Variants in SYNRG observed in about 807,000 individuals in gnomAD.
SYNRG encodes AP1 gamma subunit binding protein 1.
In SYNRG, 37 loss-of-function variants were observed where a neutral mutation model predicts 130.9. The observed-to-expected ratio is 0.28, with a 90% confidence interval of 0.22 to 0.37. The LOEUF (loss-of-function observed/expected upper bound fraction) is 0.37. Among genes scored for constraint, SYNRG ranks in the 10% least tolerant of loss-of-function variants. The pLI is 1.00. For missense variants in SYNRG, 1,338 were observed against 1,588.9 expected (o/e 0.84, Z 2.68); for synonymous variants, 539 against 568.1 (o/e 0.95, Z 0.73).
chr17:37,563,550 C>T (rs761265252), intron 11 of SYNRG, among the ~76,000 whole-genome samples: 1 of 152,094 alleles, frequency 6.6e-6, no homozygotes, highest in South Asian at 2.1e-4. Flanking sequence ...TTTTTTGAGA[C>T]AGTGTCTTGC....
At chr17:37,567,005 A>T (rs1442524748) in intron 11 of SYNRG, 2 of 152,298 alleles carry the variant, frequency 1.3e-5, no homozygotes, top group African/African-American at 2.4e-5. Context: ...CAGGTACTAC[A>T]GCAGTAGCAA....
chr17:37,575,517 T>C (rs2060755637), intron 8 of SYNRG, among the ~76,000 whole-genome samples: 1 of 152,000 alleles, frequency 6.6e-6, no homozygotes, highest in African/African-American at 2.4e-5. Context: ...CTTTTTTTTT[T>C]CTTCTTGGCT....
At chr17:37,566,060 G>C (rs1598389149) in intron 11 of SYNRG, among the ~76,000 whole-genome samples, 1 of 142,038 alleles carries the variant, frequency 7.0e-6, no homozygotes, top group South Asian at 2.3e-4. Flanking sequence ...GGAGGTGAGG[G>C]GCGCCTCTGC....
chr17:37,566,187 T>C (rs567074767), intron 11 of SYNRG, among the ~76,000 whole-genome samples: 80 of 152,276 alleles, frequency 5.3e-4, no homozygotes, highest in African/African-American at 1.8e-3. Context: ...CTTTGTGGAA[T>C]AGAAAGGCGG....
In SYNRG at chr17:37,573,220, G is replaced by A. The variant is rs150997192; in HGVS notation, c.902-1233C>T. ...AGTTCGAGACCAGCCTAGCCAATAC[G>A]GTGAAATCCTGTCTCTACTAAAAAT... On this transcript the variant is annotated intron_variant, in intron 8 of 21. Coordinates refer to ENST00000612223, the MANE Select transcript of SYNRG (RefSeq NM_007247.6). Among the ~76,000 whole-genome samples, 404 of 152,090 alleles carry A rather than the reference G, an allele frequency of 2.7e-3. 2 individuals are homozygous for A. Among genetic ancestry groups the A allele is most frequent in the African/African-American group, 9.4e-3 (389 of 41,486 alleles).
chr17:37,576,222 GA>G, intron 8 of SYNRG, 118 bp downstream of exon 8: 1 of 935,960 alleles, frequency 1.1e-6, no homozygotes, highest in Non-Finnish European at 1.6e-6. Flanking sequence ...CAGAAAAAAA[GA>G]AAAGTGACAA....
chr17:37,584,651 G>A lies in SYNRG; in HGVS notation c.586C>T (p.Pro196Ser), dbSNP rs764055127. Residue 196 changes from proline (P) to serine (S), a missense_variant, in exon 6 of 22, where the codon CCA (proline) becomes TCA (serine). This residue lies in a region of SYNRG where 1,146 missense variants were observed against 1,342.3 expected (regional missense o/e 0.85). Transcript: ENST00000612223. ...ATATAATGCCTCTTAAAACTACCTG[G>A]TTTCTTGGGGTGCGATGCTGGAGTA... ...HPTPASHPKK[P>S]GPSLEEKFLV... The A allele has an allele frequency of 1.6e-5, 26 of 1,612,598 alleles. No homozygotes were observed. The highest frequency in any genetic ancestry group is 2.2e-5 in the Non-Finnish European group (26 of 1,178,904).
chr17:37,573,460 T>C (rs368394817), intron 8 of SYNRG, among the ~76,000 whole-genome samples: 216 of 152,296 alleles, frequency 1.4e-3, no homozygotes, highest in African/African-American at 5.1e-3. Flanking sequence ...CATGCATGTA[T>C]GTTTTCTAGT....
chr17:37,516,766 C>G lies in SYNRG; in HGVS notation c.*2174G>C, dbSNP rs1241468498. 3.3e-5 allele frequency: 5 copies of G among 151,886 alleles called. No homozygotes were observed. Among genetic ancestry groups the G allele is most frequent in the African/African-American group, 1.2e-4 (5 of 41,286 alleles). 9.4% of individuals were successfully genotyped at this position (151,886 alleles called of 1,614,324 possible). On this transcript the variant is annotated 3_prime_UTR_variant, in exon 22 of 22. Transcript: ENST00000612223. ...CTTGTGATCTCCCGCCTCAGCTTACCTAGTAGCTGGGACCACGAATGTCCA... is the reference window on the plus strand; with the variant it reads ...CTTGTGATCTCCCGCCTCAGCTTACGTAGTAGCTGGGACCACGAATGTCCA...
intron 16 of SYNRG, among the ~76,000 whole-genome samples, 160 bp from the exon 17 acceptor site, chr17:37,539,405 AG>A (rs2057521429): frequency 6.6e-6 from 1 of 152,186 alleles, no homozygotes; most frequent in Non-Finnish European, 1.5e-5. Flanking sequence ...GTTTTGAGAT[AG>A]GGTCTTGCTC....
intron 3 of SYNRG, among the ~76,000 whole-genome samples, chr17:37,589,638 A>G (rs1568500065): frequency 1.3e-5 from 2 of 151,928 alleles, no homozygotes; most frequent in South Asian, 2.1e-4. Context: ...AGTCCCATCT[A>G]TTCGGGAGGC....
intron 6 of SYNRG, chr17:37,579,289 GA>G (rs1385904107): frequency 2.3e-6 from 3 of 1,303,850 alleles, no homozygotes; most frequent in Non-Finnish European, 2.0e-6. Context: ...TGGAGGGGTG[GA>G]AAGACTGAAA....
intron 21 of SYNRG, among the ~76,000 whole-genome samples, chr17:37,519,537 A>G (rs560471442): frequency 1.3e-5 from 2 of 152,110 alleles, no homozygotes. Context: ...GAGAGTTAGA[A>G]AACGAGAGAG....
At chr17:37,529,894 A>C (rs1261163908) in intron 19 of SYNRG, 3 of 1,538,518 alleles carry the variant, frequency 1.9e-6, no homozygotes, top group Non-Finnish European at 2.6e-6. Context: ...GGTTGTATAG[A>C]AATCTAGTTT....
At chr17:37,545,863 A>T (rs1193349888) in intron 14 of SYNRG, among the ~76,000 whole-genome samples, 2 of 152,228 alleles carry the variant, frequency 1.3e-5, no homozygotes, top group African/African-American at 2.4e-5. Context: ...AATTTCGTAA[A>T]GTGTAATTCA....
chr17:37,577,447 A>C lies in SYNRG; in HGVS notation c.756T>G (p.Cys252Trp). 1 of 1,614,184 alleles carries C rather than the reference A, an allele frequency of 6.2e-7. No homozygotes were observed. Among genetic ancestry groups the C allele is most frequent in the East Asian group, 2.2e-5 (1 of 44,884 alleles). Residue 252 changes from cysteine (C) to tryptophan (W), a missense_variant, in exon 7 of 22, where the codon TGT becomes TGG. Around this residue, in one of 3 missense-constraint regions of SYNRG, gnomAD observed 1,146 missense variants for 1,342.3 expected, o/e 0.85. Coordinates refer to ENST00000612223, the MANE Select transcript of SYNRG (RefSeq NM_007247.6). ...CCTCTGCAGTGGTGGTACCACTTAC[A>C]CATCCATCTACAGCAACCCCGTTAC... ...MASNGVAVDG[C>W]VSGTTTAEAE...
chr17:37,594,032 C>A (rs1314365433), intron 3 of SYNRG, among the ~76,000 whole-genome samples: 1 of 151,788 alleles, frequency 6.6e-6, no homozygotes, highest in Non-Finnish European at 1.5e-5. Flanking sequence ...GTACTAACAA[C>A]TCTCATAGTT....
Position 37,586,419 on chromosome 17 carries a change from T to C in SYNRG, c.371A>G (p.Gln124Arg), listed in dbSNP as rs757579625. The change falls in exon 4 of 22, where the codon CAG (glutamine) becomes CGG (arginine). Residue 124 changes from glutamine (Q) to arginine (R), a missense_variant and splice_region_variant. By Grantham distance (43) the Gln-to-Arg change is conservative. This residue lies in a region of SYNRG where 184 missense variants were observed against 217.2 expected (regional missense o/e 0.85). Coordinates refer to ENST00000612223, the MANE Select transcript of SYNRG (RefSeq NM_007247.6). Reference protein sequence around the residue: ...DMQKQFAEEQQKRFEQQQKLL... With the variant: ...DMQKQFAEEQRKRFEQQQKLL... ...TCCTTTAATTCTGGTGATCTCTTACTGCTGCTCTTCGGCAAACTGCTTCTG... is the reference window on the plus strand; with the variant it reads ...TCCTTTAATTCTGGTGATCTCTTACCGCTGCTCTTCGGCAAACTGCTTCTG... 12 of 1,614,022 alleles carry C rather than the reference T, an allele frequency of 7.4e-6. No homozygotes were observed. Among genetic ancestry groups the C allele is most frequent in the South Asian group, 6.6e-5 (6 of 91,068 alleles).
At chr17:37,608,690 T>C (rs1205549152) in intron 1 of SYNRG, among the ~76,000 whole-genome samples, 1 of 152,198 alleles carries the variant, frequency 6.6e-6, no homozygotes, top group Non-Finnish European at 1.5e-5. Flanking sequence ...TAAGAGTTAG[T>C]GTACAAGACA....
Sources: allele counts gnomAD v4.1 joint callset (sites outside exome capture counted in the v4.1 genomes callset), GRCh38; gene constraint gnomAD v4.1.1; regional missense constraint gnomAD v4.1.1; transcripts MANE v1.5; gene names NCBI Gene and HGNC (gene_info 2026-07-23, HGNC 2026-07-21).